Variants in SLC71A2 observed in about 807,000 individuals in gnomAD.
SLC71A2 encodes hippocampus abundant transcript-like 1.
the SLC71A2 span, among the ~76,000 whole-genome samples, chr9:94,451,913 G>A: frequency 1.9e-4 from 29 of 152,346 alleles, no homozygotes; most frequent in Admixed American, 5.9e-4. Flanking sequence ...CCCTGGCCCC[G>A]ATGCCACTGC....
the SLC71A2 span, chr9:94,456,156 G>T: frequency 2.4e-6 from 2 of 845,382 alleles, no homozygotes; most frequent in Admixed American, 2.3e-5. Context: ...CAAGGCATTT[G>T]TACTTTTGCC....
At chr9:94,415,969 A>G in the SLC71A2 span, among the ~76,000 whole-genome samples, 1 of 152,332 alleles carries the variant, frequency 6.6e-6, no homozygotes, top group Admixed American at 6.5e-5. Flanking sequence ...ACTTTGTAAC[A>G]ATGAGTAATA....
At chr9:94,444,232 T>A in the SLC71A2 span, among the ~76,000 whole-genome samples, 1 of 152,208 alleles carries the variant, frequency 6.6e-6, no homozygotes, top group Non-Finnish European at 1.5e-5. Context: ...ACATTCCACA[T>A]GCTTATAGGA....
chr9:94,452,617 A>G, the SLC71A2 span, among the ~76,000 whole-genome samples: 1 of 104,442 alleles, frequency 9.6e-6, no homozygotes, highest in African/African-American at 2.8e-5. Flanking sequence ...GAGGGAGAAT[A>G]TATATATATA....
At chr9:94,456,219 G>C in the SLC71A2 span, 5 of 1,597,618 alleles carry the variant, frequency 3.1e-6, no homozygotes, top group South Asian at 1.1e-5. Flanking sequence ...CTGCCTGACT[G>C]TGCCTGTCCT....
the SLC71A2 span, among the ~76,000 whole-genome samples, chr9:94,378,117 C>T: frequency 1.6e-4 from 20 of 126,614 alleles, no homozygotes; most frequent in Non-Finnish European, 1.9e-4. Context: ...CAGAGCGAGA[C>T]TCCATTTCCA....
At chr9:94,398,471 T>C in the SLC71A2 span, among the ~76,000 whole-genome samples, 17 of 152,222 alleles carry the variant, frequency 1.1e-4, no homozygotes, top group Non-Finnish European at 2.2e-4. Context: ...TTAACAACTT[T>C]TGGTCCATAA....
chr9:94,449,079 T>C, the SLC71A2 span, among the ~76,000 whole-genome samples: 1 of 152,168 alleles, frequency 6.6e-6, no homozygotes, highest in Admixed American at 6.5e-5. Flanking sequence ...CAGAAAATAA[T>C]GTAGGAAGAT....
At chr9:94,453,270 C>A in the SLC71A2 span, among the ~76,000 whole-genome samples, 97 of 151,942 alleles carry the variant, frequency 6.4e-4, no homozygotes, top group African/African-American at 2.3e-3. Context: ...CTGCCTCAGC[C>A]TCCCAAATAG....
the SLC71A2 span, among the ~76,000 whole-genome samples, chr9:94,426,838 T>TTAGA: frequency 3.4e-3 from 520 of 152,296 alleles, 1 homozygote; most frequent in African/African-American, 4.9e-3. Flanking sequence ...ATTTATTTAT[T>TTAGA]TAGATAGATA....
the SLC71A2 span, among the ~76,000 whole-genome samples, chr9:94,423,840 AT>A: frequency 1.3e-5 from 2 of 152,170 alleles, no homozygotes; most frequent in Non-Finnish European, 2.9e-5. Flanking sequence ...TGTTCTCTTA[AT>A]GCCTTTGGAT....
chr9:94,450,899 G>A, the SLC71A2 span, among the ~76,000 whole-genome samples: 1 of 152,152 alleles, frequency 6.6e-6, no homozygotes, highest in Admixed American at 6.5e-5. Context: ...GGTTACTTTG[G>A]CTGCTTATTA....
chr9:94,378,067 G>C, the SLC71A2 span, among the ~76,000 whole-genome samples: 1 of 143,936 alleles, frequency 6.9e-6, no homozygotes, highest in Non-Finnish European at 1.5e-5. Context: ...TCGTGCCACT[G>C]CACTCCAGCC....
At chr9:94,375,019 G>A in the SLC71A2 span, 4 of 833,612 alleles carry the variant, frequency 4.8e-6, no homozygotes, top group Non-Finnish European at 6.3e-6. Context: ...TCCGGGCAGG[G>A]GCTTCGGCTC....
chr9:94,388,472 A>G, the SLC71A2 span, among the ~76,000 whole-genome samples: 2 of 152,232 alleles, frequency 1.3e-5, no homozygotes, highest in Non-Finnish European at 2.9e-5. Flanking sequence ...TGTATGTACT[A>G]ATTGTATATA....
the SLC71A2 span, chr9:94,375,044 C>G: frequency 1.6e-6 from 1 of 636,454 alleles, no homozygotes. Context: ...AAAGTCGGTC[C>G]TTTTCTGGGG....
chr9:94,406,848 CAG>C, the SLC71A2 span, among the ~76,000 whole-genome samples: 5 of 152,232 alleles, frequency 3.3e-5, no homozygotes, highest in South Asian at 8.3e-4. Flanking sequence ...CATCAGCGAA[CAG>C]AGATAATTTT....
At chr9:94,399,704 A>T in the SLC71A2 span, among the ~76,000 whole-genome samples, 1 of 152,162 alleles carries the variant, frequency 6.6e-6, no homozygotes, top group African/African-American at 2.4e-5. Flanking sequence ...CAACTATAGC[A>T]TAACAGTGTT....
At chr9:94,412,523 A>G in the SLC71A2 span, among the ~76,000 whole-genome samples, 3 of 152,058 alleles carry the variant, frequency 2.0e-5, no homozygotes, top group Admixed American at 6.6e-5. Flanking sequence ...AAACTTGTAC[A>G]TCAATGTTTA....
Sources: allele counts gnomAD v4.1 joint callset (sites outside exome capture counted in the v4.1 genomes callset), GRCh38; gene constraint gnomAD v4.1.1; transcripts MANE v1.5; gene names NCBI Gene and HGNC (gene_info 2026-07-23, HGNC 2026-07-21).